Variants in CSNK2A2IP observed in about 807,000 individuals in gnomAD.
CSNK2A2IP encodes casein kinase II subunit alpha'-interacting protein.
At chr3:88,383,372 A>T in the CSNK2A2IP span, among the ~76,000 whole-genome samples, 1 of 152,212 alleles carries the variant, frequency 6.6e-6, no homozygotes, top group Non-Finnish European at 1.5e-5. Context: ...TGAGGTCAGA[A>T]TTTTTAATCT....
the CSNK2A2IP span, among the ~76,000 whole-genome samples, chr3:88,394,775 A>G: frequency 6.6e-6 from 1 of 152,038 alleles, no homozygotes; most frequent in Non-Finnish European, 1.5e-5. Flanking sequence ...CTTTGTCTGG[A>G]GTGTTGATTG....
chr3:88,364,231 A>T, the CSNK2A2IP span, among the ~76,000 whole-genome samples: 19 of 151,322 alleles, frequency 1.3e-4, no homozygotes, highest in African/African-American at 4.4e-4. Context: ...TAATTTGTTG[A>T]CTTGTGTCCA....
the CSNK2A2IP span, among the ~76,000 whole-genome samples, chr3:88,394,520 C>T: frequency 1.2e-3 from 185 of 152,182 alleles, no homozygotes; most frequent in Non-Finnish European, 1.8e-3. Context: ...TTACAGGCAT[C>T]CGCCACCACG....
chr3:88,396,474 T>G, the CSNK2A2IP span, among the ~76,000 whole-genome samples: 1 of 152,176 alleles, frequency 6.6e-6, no homozygotes, highest in Non-Finnish European at 1.5e-5. Flanking sequence ...AAAGTTTTCC[T>G]GTGAAAATGC....
the CSNK2A2IP span, among the ~76,000 whole-genome samples, chr3:88,462,314 G>T: frequency 6.6e-6 from 1 of 152,126 alleles, no homozygotes; most frequent in South Asian, 2.1e-4. Context: ...CCATCTAGAA[G>T]CTTGGTAGAA....
chr3:88,449,870 T>TAGAGAGAGAGAGAGAG, the CSNK2A2IP span, among the ~76,000 whole-genome samples: 5 of 81,794 alleles, frequency 6.1e-5, no homozygotes, highest in Non-Finnish European at 1.1e-4. Context: ...TATATATATA[T>TAGAGAGAGAGAGAGAG]ATATAGAGAG....
chr3:88,383,301 A>G, the CSNK2A2IP span, among the ~76,000 whole-genome samples: 1 of 152,198 alleles, frequency 6.6e-6, no homozygotes, highest in Admixed American at 6.5e-5. Flanking sequence ...GGCAGACATA[A>G]TCTCTAATCT....
chr3:88,439,021 T>G, the CSNK2A2IP span, among the ~76,000 whole-genome samples: 1 of 152,190 alleles, frequency 6.6e-6, no homozygotes, highest in African/African-American at 2.4e-5. Flanking sequence ...CTAGCCTGAT[T>G]GCGTCTCTAG....
chr3:88,377,052 A>G, the CSNK2A2IP span, among the ~76,000 whole-genome samples: 2 of 151,456 alleles, frequency 1.3e-5, no homozygotes, highest in African/African-American at 4.8e-5. Context: ...CCCGTTCTCC[A>G]CCCTCCTTCC....
At chr3:88,406,511 C>T in the CSNK2A2IP span, among the ~76,000 whole-genome samples, 2 of 152,062 alleles carry the variant, frequency 1.3e-5, no homozygotes, top group South Asian at 2.1e-4. Context: ...CATTCTAAAG[C>T]GGGGGAAGAA....
At chr3:88,399,031 T>A in the CSNK2A2IP span, among the ~76,000 whole-genome samples, 5 of 151,908 alleles carry the variant, frequency 3.3e-5, no homozygotes, top group African/African-American at 7.3e-5. Context: ...CATAAGGAGG[T>A]CTGTCAGAGA....
chr3:88,411,067 A>G, the CSNK2A2IP span, among the ~76,000 whole-genome samples: 1 of 152,014 alleles, frequency 6.6e-6, no homozygotes, highest in Non-Finnish European at 1.5e-5. Flanking sequence ...CCTTATAAAT[A>G]CAGTTGAATT....
chr3:88,378,299 G>A, the CSNK2A2IP span, among the ~76,000 whole-genome samples: 1 of 150,674 alleles, frequency 6.6e-6, no homozygotes, highest in African/African-American at 2.4e-5. Flanking sequence ...TTTCAATTTT[G>A]TTTATGCTAC....
the CSNK2A2IP span, among the ~76,000 whole-genome samples, chr3:88,352,656 G>C: frequency 6.6e-6 from 1 of 151,914 alleles, no homozygotes. Flanking sequence ...ACAGCTCACT[G>C]CGGCCTCAAC....
chr3:88,466,903 G>T, the CSNK2A2IP span: 5 of 1,229,662 alleles, frequency 4.1e-6, no homozygotes, highest in African/African-American at 3.1e-5. Flanking sequence ...GGGCAAAATA[G>T]AAGTGAAATT....
the CSNK2A2IP span, chr3:88,465,241 C>T: frequency 1.3e-5 from 7 of 521,696 alleles, no homozygotes; most frequent in East Asian, 1.8e-4. Flanking sequence ...AAGATAAAAG[C>T]TAGCAACTGT....
the CSNK2A2IP span, among the ~76,000 whole-genome samples, chr3:88,450,731 G>GTTTC: frequency 3.0e-3 from 452 of 152,056 alleles, 6 homozygotes; most frequent in African/African-American, 0.011. Flanking sequence ...GTGGAGTACA[G>GTTTC]TTTCTTTATC....
At chr3:88,409,066 T>A in the CSNK2A2IP span, among the ~76,000 whole-genome samples, 1 of 152,040 alleles carries the variant, frequency 6.6e-6, no homozygotes. Flanking sequence ...AAGTAAGTAT[T>A]TGCACGAAAA....
the CSNK2A2IP span, among the ~76,000 whole-genome samples, chr3:88,415,683 C>A: frequency 7.2e-5 from 11 of 151,962 alleles, no homozygotes; most frequent in African/African-American, 1.2e-4. Context: ...CTCATTTAAT[C>A]CTCACATACC....
Sources: gnomAD v4.1 joint callset for allele counts (sites outside exome capture counted in the v4.1 genomes callset) on GRCh38, gnomAD v4.1.1 for gene constraint, MANE v1.5 for transcripts, NCBI Gene and HGNC (gene_info 2026-07-23, HGNC 2026-07-21) for gene names.